CCNT2: variants seen among roughly 807,000 people sequenced by gnomAD.
CCNT2 encodes the protein cyclin T2, also known as cyclin-T2.
In CCNT2, 18 loss-of-function variants were observed where a neutral mutation model predicts 70.0. That is an observed-to-expected ratio of 0.26 (90% CI 0.18 to 0.38). The LOEUF is 0.38. CCNT2 is among the 10% of genes least tolerant of loss of function. CCNT2 has a pLI of 1.00. For synonymous variants in CCNT2, 334 were observed against 313.3 expected (o/e 1.07, Z -0.70); for missense variants, 734 against 890.2 (o/e 0.82, Z 2.23).
chr2:134,928,274 C>CTTTTTTTTTGTTTTTTTTTTTTTT (rs1680445997), intron 2 of CCNT2, among the ~76,000 whole-genome samples: 1 of 96,428 alleles, frequency 1.0e-5, no homozygotes, highest in Non-Finnish European at 2.0e-5. Context: ...CATTGTATTT[C>CTTTTTTTTTGTTTTTTTTTTTTTT]TTTTTTTTTT....
intron 7 of CCNT2, among the ~76,000 whole-genome samples, chr2:134,949,768 C>T (rs1573856805): frequency 8.1e-6 from 1 of 123,772 alleles, no homozygotes. Context: ...TTAATAGTCA[C>T]TAGATTAAGA....
chr2:134,954,494 A>C lies in CCNT2; in HGVS notation c.2039A>C (p.His680Pro). ...PPVTYQVGYG[H>P]LSTLVKLDKK... ...GTCACATACCAGGTGGGCTACGGACATCTCAGCACCCTCGTGAAACTGGAC... is the reference window on the plus strand; with the variant it reads ...GTCACATACCAGGTGGGCTACGGACCTCTCAGCACCCTCGTGAAACTGGAC... The change falls in exon 9 of 9, where the codon CAT becomes CCT. Residue 680 changes from histidine to proline, a missense_variant. Around this residue, in one of 3 missense-constraint regions of CCNT2, gnomAD observed 532 missense variants for 556.9 expected, o/e 0.96. Transcript: ENST00000264157. 6.2e-7 allele frequency: 1 copy of C among 1,614,190 alleles called. No homozygotes were observed. Among genetic ancestry groups the C allele is most frequent in the Non-Finnish European group, 8.5e-7 (1 of 1,180,038 alleles).
At position 134,932,504 on chromosome 2, in the gene CCNT2, GCTT is replaced by G. The variant is rs545630207; in HGVS notation, c.241-4336_241-4334del. ...ATATTTTGGGGCCGTTATTAACCCA[GCTT>G]TCTTTTAAATGTAATTAGGTATCTT... On this transcript the variant is annotated intron_variant, in intron 2 of 8. Transcript: ENST00000264157. Among the ~76,000 whole-genome samples, 15 of 152,164 alleles carry G rather than the reference GCTT, an allele frequency of 9.9e-5. No individual in the cohort carries two copies. The East Asian group carries it at 1.3e-3, about 14-fold the overall frequency.
At chr2:134,919,650 C>T (rs1679722120) in intron 1 of CCNT2, among the ~76,000 whole-genome samples, 160 bp from the exon 2 acceptor site, 1 of 152,114 alleles carries the variant, frequency 6.6e-6, no homozygotes, top group Non-Finnish European at 1.5e-5. Context: ...TATTCTCTTC[C>T]TGCCGCCCCA....
At chr2:134,949,802 C>CG (rs150690024) in intron 7 of CCNT2, among the ~76,000 whole-genome samples, 8,727 of 48,560 alleles carry the variant, frequency 0.18, 436 homozygotes, top group African/African-American at 0.26. Context: ...ATTTTTTTTT[C>CG]GGGGGGGGGG....
Position 134,946,122 on chromosome 2 carries a change from C to T in CCNT2, c.515C>T (p.Thr172Ile), listed in dbSNP as rs778952569. ...ACAGCAAGCAAGGATTTGGCACAGACATCCTATTTCATGGCTACCAACAGG... is the reference window on the plus strand; with the variant it reads ...ACAGCAAGCAAGGATTTGGCACAGATATCCTATTTCATGGCTACCAACAGG... ...LVRASKDLAQ[T>I]SYFMATNSLH... The change falls in exon 6 of 9, where the codon ACA becomes ATA. Residue 172 changes from threonine to isoleucine, a missense_variant. Transcript: ENST00000264157. 1.9e-6 allele frequency: 3 copies of T among 1,609,596 alleles called. No homozygotes were observed. Among genetic ancestry groups the T allele is most frequent in the Admixed American group, 3.3e-5 (2 of 59,756 alleles).
rs762108373 is a variant in CCNT2, at chr2:134,953,299, T to G, written c.844T>G (p.Leu282Val). 2.9e-5 allele frequency: 47 copies of G among 1,613,622 alleles called. No individual in the cohort carries two copies. In the African/African-American group the frequency reaches 5.7e-4, roughly 20 times the overall value. The change falls in exon 9 of 9, where the codon TTG (leucine) becomes GTG (valine). Residue 282 changes from leucine to valine, a missense_variant. Transcript: ENST00000264157. ...VSETPLLGSS[L>V]VQNSILVDSV... ...AGAGACACCACTTCTTGGTTCATCT[T>G]TGGTCCAGAATTCCATTTTAGTAGA... is the stretch of plus-strand genomic sequence containing the variant.
rs1196652301 is a variant in CCNT2, at chr2:134,938,977, A to G, written c.370-25A>G. On this transcript the variant is annotated intron_variant, in intron 3 of 8. Transcript: ENST00000264157. ...AGTAATGTTATTTTTATTTTAATCA[A>G]TTTGATAATATTTTTATCTGACAGG... 2.7e-6 allele frequency: 4 copies of G among 1,491,682 alleles called. No individual in the cohort carries two copies. The South Asian group carries it at 3.4e-5, about 13-fold the overall frequency. 92.4% of individuals were successfully genotyped at this position (1,491,682 alleles called of 1,614,324 possible). A position where few individuals can be genotyped will look rare whatever the true frequency, so the allele number is the denominator to read the frequency against.
chr2:134,938,349 C>T (rs1681317152), intron 3 of CCNT2, among the ~76,000 whole-genome samples: 1 of 152,124 alleles, frequency 6.6e-6, no homozygotes, highest in African/African-American at 2.4e-5. Context: ...ATTTCCTTAT[C>T]ACTTTGGTCA....
chr2:134,947,504 T>C (rs1682078621), intron 6 of CCNT2, among the ~76,000 whole-genome samples: 1 of 152,160 alleles, frequency 6.6e-6, no homozygotes, highest in African/African-American at 2.4e-5. Context: ...ATTTTAAATA[T>C]TAATATATTA....
At chr2:134,931,276 T>TG in intron 2 of CCNT2, among the ~76,000 whole-genome samples, 1 of 141,628 alleles carries the variant, frequency 7.1e-6, no homozygotes, top group African/African-American at 2.6e-5. Flanking sequence ...TTTTTTTTTT[T>TG]TTTTTTTTTT....
chr2:134,925,879 T>TTTTG (rs1680259379), intron 2 of CCNT2, among the ~76,000 whole-genome samples: 1 of 147,760 alleles, frequency 6.8e-6, no homozygotes, highest in Admixed American at 6.8e-5. Flanking sequence ...TTTTTTTTTT[T>TTTTG]TTTTGAGACT....
chr2:134,954,508 G>T lies in CCNT2; in HGVS notation c.2053G>T (p.Val685Leu), dbSNP rs529755565. Residue 685 changes from valine to leucine, a missense_variant, in exon 9 of 9, where the codon GTG (valine) becomes TTG (leucine). By Grantham distance (32) the Val-to-Leu change is conservative (BLOSUM62 1). Around this residue, in one of 3 missense-constraint regions of CCNT2, gnomAD observed 532 missense variants for 556.9 expected, o/e 0.96. Coordinates refer to ENST00000264157, the MANE Select transcript of CCNT2 (RefSeq NM_058241.3). ...QVGYGHLSTL[V>L]KLDKKPVETN... Reference sequence around the variant, plus strand: ...GGGCTACGGACATCTCAGCACCCTCGTGAAACTGGACAAGAAGCCAGTGGA... The same window carrying T: ...GGGCTACGGACATCTCAGCACCCTCTTGAAACTGGACAAGAAGCCAGTGGA... 1 of 1,614,070 alleles carries T rather than the reference G, an allele frequency of 6.2e-7. No individual in the cohort carries two copies. Among genetic ancestry groups the T allele is most frequent in the Admixed American group, 1.7e-5 (1 of 60,014 alleles).
intron 2 of CCNT2, among the ~76,000 whole-genome samples, chr2:134,935,771 C>A (rs1171414458): frequency 1.3e-5 from 2 of 151,574 alleles, no homozygotes; most frequent in East Asian, 3.9e-4. Flanking sequence ...TGCTTGTGTT[C>A]TTATATTTCT....
chr2:134,942,737 G>T, intron 5 of CCNT2, 63 bp downstream of exon 5: 1 of 1,457,614 alleles, frequency 6.9e-7, no homozygotes, highest in Non-Finnish European at 9.3e-7. Flanking sequence ...TAATTGATTT[G>T]GGTGCTATTT....
chr2:134,957,502 C>T lies in CCNT2; in HGVS notation c.*2854C>T, dbSNP rs1682996253. 1 of 152,142 alleles carries T rather than the reference C, an allele frequency of 6.6e-6. No individual in the cohort carries two copies. The highest frequency in any genetic ancestry group is 1.5e-5 in the Non-Finnish European group (1 of 68,020). 9.4% of individuals were successfully genotyped at this position (152,142 alleles called of 1,614,324 possible). ...TTGCAAAGAAAGGCTTTATTTCTAC[C>T]TCTTCCATTCAGTTTTCCAATATTG... On this transcript the variant is annotated 3_prime_UTR_variant, in exon 9 of 9. Transcript: ENST00000264157.
chr2:134,921,579 C>T (rs1336499545), intron 2 of CCNT2, among the ~76,000 whole-genome samples: 2 of 152,190 alleles, frequency 1.3e-5, no homozygotes, highest in African/African-American at 4.8e-5. Flanking sequence ...GTCTTGAGCT[C>T]CTGACCTCAG....
chr2:134,943,899 G>A, intron 5 of CCNT2: 4 of 970,574 alleles, frequency 4.1e-6, no homozygotes, highest in Non-Finnish European at 4.9e-6. Flanking sequence ...AACAAAATGA[G>A]TACGACTTTT....
rs1681742577 is a variant in CCNT2, at chr2:134,943,744, C to T, written c.493+1070C>T. The T allele has an allele frequency of 3.0e-6, 3 of 985,046 alleles. No individual in the cohort carries two copies. In the South Asian group the frequency reaches 1.4e-4, roughly 46 times the overall value. The allele number at this position is 985,046 out of a possible 1,614,324, so 61.0% of individuals were successfully genotyped here. Reference sequence around the variant, plus strand: ...TGCATGTTGTTCTGCTTCTTACTTCCACTTTCCTGTTTCCATTTCAAGTGT... The same window carrying T: ...TGCATGTTGTTCTGCTTCTTACTTCTACTTTCCTGTTTCCATTTCAAGTGT... On this transcript the variant is annotated intron_variant, in intron 5 of 8. Transcript: ENST00000264157.
Sources: gnomAD v4.1 joint callset for allele counts (sites outside exome capture counted in the v4.1 genomes callset) on GRCh38, gnomAD v4.1.1 for gene constraint, gnomAD v4.1.1 regional missense constraint, MANE v1.5 for transcripts, NCBI Gene and HGNC (gene_info 2026-07-23, HGNC 2026-07-21) for gene names.